NOL4L: variants seen among roughly 807,000 people sequenced by gnomAD.
NOL4L encodes the protein nucleolar protein 4-like.
Under a neutral mutation model 64.5 loss-of-function variants are expected in NOL4L, and 7 were observed. The ratio of observed to expected loss-of-function variants is 0.11; its 90% CI spans 0.06 to 0.20. The LOEUF is 0.20. Among genes scored for constraint, NOL4L ranks in the 10% least tolerant of loss-of-function variants. NOL4L has a pLI of 1.00. For synonymous variants in NOL4L, 413 were observed against 401.0 expected (o/e 1.03, Z -0.36); for missense variants, 680 against 967.1 (o/e 0.70, Z 3.94).
chr20:32,528,414 C>A (rs112245915), intron 1 of NOL4L, among the ~76,000 whole-genome samples: 3 of 152,230 alleles, frequency 2.0e-5, no homozygotes, highest in Admixed American at 6.5e-5. Flanking sequence ...AAGCTTTTCG[C>A]GGCTGCCTGC....
intron 1 of NOL4L, among the ~76,000 whole-genome samples, chr20:32,575,011 G>A (rs183187351): frequency 2.0e-5 from 3 of 152,258 alleles, no homozygotes; most frequent in East Asian, 1.9e-4. Context: ...CCGCTGGTCC[G>A]TCGAGGAAAC....
intron 4 of NOL4L, among the ~76,000 whole-genome samples, chr20:32,503,205 C>T (rs1191427961): frequency 1.3e-5 from 2 of 152,124 alleles, no homozygotes; most frequent in African/African-American, 4.8e-5. Flanking sequence ...TTCCACAGGG[C>T]CAGAAATTTA....
At chr20:32,582,536 G>A (rs1057315561) in intron 1 of NOL4L, among the ~76,000 whole-genome samples, 1 of 152,098 alleles carries the variant, frequency 6.6e-6, no homozygotes, top group African/African-American at 2.4e-5. Flanking sequence ...CCACTCCCTA[G>A]GGAGAAGTCG....
intron 6 of NOL4L, among the ~76,000 whole-genome samples, chr20:32,454,769 G>A (rs549981247): frequency 3.9e-5 from 6 of 152,366 alleles, no homozygotes; most frequent in Admixed American, 1.3e-4. Flanking sequence ...TAGCAGGTAA[G>A]GCAGGCTCAG....
rs535832373 is a variant in NOL4L at position 32,444,721 on chromosome 20, C to T, written c.*2875G>A. Reference sequence around the variant, plus strand: ...GACTCTGGAATTGGAGTATCCTACTCTTGCATTTCCTTTTTAACTTAGGAT... The same window carrying T: ...GACTCTGGAATTGGAGTATCCTACTTTTGCATTTCCTTTTTAACTTAGGAT... On this transcript the variant is annotated 3_prime_UTR_variant, in exon 11 of 11. Transcript: ENST00000621426. 2.6e-5 allele frequency: 4 copies of T among 152,328 alleles called. No homozygotes were observed. The East Asian group carries it at 7.7e-4, about 29-fold the overall frequency. 9.4% of individuals were successfully genotyped at this position (152,328 alleles called of 1,614,324 possible).
At chr20:32,516,780 C>G (rs1287308018) in intron 3 of NOL4L, among the ~76,000 whole-genome samples, 1 of 152,144 alleles carries the variant, frequency 6.6e-6, no homozygotes, top group Non-Finnish European at 1.5e-5. Context: ...GCATGGAGGG[C>G]CTTGGAAACC....
chr20:32,472,916 A>AC (rs1382108977), intron 5 of NOL4L, among the ~76,000 whole-genome samples: 2 of 149,650 alleles, frequency 1.3e-5, no homozygotes, highest in Non-Finnish European at 3.0e-5. Context: ...GGACCTACAG[A>AC]CCCCCCAGCC....
chr20:32,536,295 G>A (rs2018520533), intron 1 of NOL4L: 1 of 985,368 alleles, frequency 1.0e-6, no homozygotes, highest in Non-Finnish European at 1.2e-6. Context: ...CCCGCGGGCG[G>A]GTCCCTCTCG....
chr20:32,570,515 C>G (rs778649948), intron 1 of NOL4L, among the ~76,000 whole-genome samples: 1 of 152,202 alleles, frequency 6.6e-6, no homozygotes, highest in Admixed American at 6.5e-5. Context: ...ACCCTTCCCC[C>G]TCCTGTCCCC....
chr20:32,551,763 A>G (rs1339389555), intron 1 of NOL4L, among the ~76,000 whole-genome samples: 1 of 152,022 alleles, frequency 6.6e-6, no homozygotes, highest in Non-Finnish European at 1.5e-5. Context: ...CTCTGAATAT[A>G]TGATACTGAA....
rs2012306382 is a variant in NOL4L at position 32,445,868 on chromosome 20, TG to T, written c.*1727del. On this transcript the variant is annotated 3_prime_UTR_variant, in exon 11 of 11. Transcript: ENST00000621426. ...AGGCAGGATGGGGCATCCTCACTGGTGCCCCCCCCATCCCTCCTTGGGGGGA... is the reference window on the plus strand; with the variant it reads ...AGGCAGGATGGGGCATCCTCACTGGTCCCCCCCCATCCCTCCTTGGGGGGA... 1 of 147,436 alleles carries T rather than the reference TG, an allele frequency of 6.8e-6. No homozygotes were observed. The highest frequency in any genetic ancestry group is 1.5e-5 in the Non-Finnish European group (1 of 68,022). 9.1% of individuals were successfully genotyped at this position (147,436 alleles called of 1,614,324 possible).
chr20:32,583,647 C>A (rs1980657379), intron 1 of NOL4L, among the ~76,000 whole-genome samples: 1 of 133,554 alleles, frequency 7.5e-6, no homozygotes, highest in African/African-American at 2.9e-5. Context: ...GGAGCGGCCG[C>A]CCCCCCCCCA....
intron 2 of NOL4L, among the ~76,000 whole-genome samples, chr20:32,521,924 C>T (rs2017953815): frequency 1.3e-5 from 2 of 152,258 alleles, no homozygotes; most frequent in African/African-American, 4.8e-5. Flanking sequence ...CTGTCCTCGC[C>T]GCAGCCCGCA....
intron 1 of NOL4L, chr20:32,572,436 GAA>G (rs1787803184): frequency 6.6e-6 from 1 of 152,246 alleles, no homozygotes; most frequent in African/African-American, 2.4e-5. Flanking sequence ...ACAGCAACTG[GAA>G]GAAGTAGCTG....
intron 4 of NOL4L, among the ~76,000 whole-genome samples, chr20:32,485,078 A>ACAAAAAAAAAC (rs1459616570): frequency 1.8e-4 from 26 of 147,824 alleles, no homozygotes; most frequent in African/African-American, 5.8e-4. Flanking sequence ...AAAAAAAAAA[A>ACAAAAAAAAAC]AAAAAAAAAC....
At chr20:32,489,001 A>T (rs1600741436) in intron 4 of NOL4L, among the ~76,000 whole-genome samples, 4 of 88,564 alleles carry the variant, frequency 4.5e-5, no homozygotes, top group South Asian at 3.2e-4. Context: ...AACTTTTTGG[A>T]AATAAGGAAA....
chr20:32,569,478 G>A (rs1228302685), intron 1 of NOL4L, among the ~76,000 whole-genome samples: 2 of 152,064 alleles, frequency 1.3e-5, no homozygotes, highest in African/African-American at 2.4e-5. Flanking sequence ...CTGGGGAGGA[G>A]GTGACAAGAG....
At chr20:32,561,765 C>A (rs1979034510) in intron 1 of NOL4L, among the ~76,000 whole-genome samples, 1 of 152,180 alleles carries the variant, frequency 6.6e-6, no homozygotes, top group Non-Finnish European at 1.5e-5. Flanking sequence ...CAGTTTTCTC[C>A]TCAATGAATG....
At chr20:32,492,146 G>A (rs1220330559) in intron 4 of NOL4L, among the ~76,000 whole-genome samples, 1 of 147,524 alleles carries the variant, frequency 6.8e-6, no homozygotes, top group Non-Finnish European at 1.5e-5. Context: ...ATAGCAGACT[G>A]GTAGGCTGGT....
Sources: gnomAD v4.1 joint callset for allele counts (sites outside exome capture counted in the v4.1 genomes callset) on GRCh38, gnomAD v4.1.1 for gene constraint, MANE v1.5 for transcripts, NCBI Gene and HGNC (gene_info 2026-07-23, HGNC 2026-07-21) for gene names.